The following HFM1 variants were observed in gnomAD, a reference collection of about 807,000 sequenced individuals.
HFM1 encodes the protein probable ATP-dependent DNA helicase HFM1.
In HFM1, 169 loss-of-function variants were observed where a neutral mutation model predicts 192.1. That is an observed-to-expected ratio of 0.88 (90% CI 0.78 to 1.00). The LOEUF is 1.00. Ranked by LOEUF, HFM1 falls within the 50% of genes least tolerant of loss-of-function variation. HFM1 has a pLI of 0.00. For missense variants in HFM1, 1,661 were observed against 1,668.0 expected (o/e 1.00, Z 0.07); for synonymous variants, 525 against 537.8 (o/e 0.98, Z 0.33).
upstream of HFM1, among the ~76,000 whole-genome samples, chr1:91,405,495 C>A (rs1664757569): frequency 6.6e-6 from 1 of 152,162 alleles, no homozygotes; most frequent in African/African-American, 2.4e-5. Flanking sequence ...CCTTTGGAAA[C>A]CCCCACCTGT....
chr1:91,280,425 C>T (rs370163003), intron 30 of HFM1, among the ~76,000 whole-genome samples: 31 of 152,328 alleles, frequency 2.0e-4, no homozygotes, highest in African/African-American at 6.5e-4. Flanking sequence ...TGTAGGGGAA[C>T]AGTTCCACCA....
intron 30 of HFM1, among the ~76,000 whole-genome samples, chr1:91,304,570 G>A (rs976577118): frequency 1.3e-5 from 2 of 151,894 alleles, no homozygotes; most frequent in African/African-American, 4.8e-5. Context: ...GGGTTCAAGC[G>A]ATTCTCTTGC....
intron 30 of HFM1, among the ~76,000 whole-genome samples, chr1:91,300,037 C>G (rs1557810071): frequency 6.6e-6 from 1 of 151,796 alleles, no homozygotes; most frequent in African/African-American, 2.4e-5. Context: ...AGACCGCTAG[C>G]AAGACTAATA....
intron 16 of HFM1, among the ~76,000 whole-genome samples, chr1:91,351,955 T>C (rs1656990586): frequency 6.6e-6 from 1 of 151,990 alleles, no homozygotes; most frequent in Non-Finnish European, 1.5e-5. Flanking sequence ...ATTTACTCTA[T>C]GAAATTGTAG....
intron 13 of HFM1, among the ~76,000 whole-genome samples, chr1:91,359,792 C>T (rs572160386): frequency 2.0e-5 from 3 of 152,168 alleles, no homozygotes; most frequent in South Asian, 2.1e-4. Flanking sequence ...ATACTCCACA[C>T]GAACATCAAC....
chr1:91,290,248 A>G (rs1415532665), intron 30 of HFM1, among the ~76,000 whole-genome samples: 1 of 152,342 alleles, frequency 6.6e-6, no homozygotes, highest in East Asian at 1.9e-4. Context: ...TAAAAGACAC[A>G]GACTGGCAAA....
intron 30 of HFM1, among the ~76,000 whole-genome samples, chr1:91,292,545 A>C (rs1570816205): frequency 6.6e-6 from 1 of 151,886 alleles, no homozygotes; most frequent in African/African-American, 2.4e-5. Flanking sequence ...GCTCAAGAAA[A>C]TAAAAGAGCA....
At chr1:91,286,932 C>A (rs894378044) in intron 30 of HFM1, among the ~76,000 whole-genome samples, 7 of 152,226 alleles carry the variant, frequency 4.6e-5, no homozygotes, top group Non-Finnish European at 1.0e-4. Context: ...CACTCCCACC[C>A]GAATACTGCG....
In HFM1 at chr1:91,353,278, G is replaced by A. The variant is rs369276867; in HGVS notation, c.1707C>T (p.Ser569=). ...TACCTCTCAGTTTTGAATCTCTTAC[G>A]GAATATGCATACTTCTGTAACCTAT... ...QKQRLQKYAY[S]VRDSKLRDIL... The change falls in exon 14 of 39, where the codon TCC becomes TCT. Residue 569 remains serine, a synonymous_variant. Transcript: ENST00000370425. 68 of 1,574,738 alleles carry A rather than the reference G, an allele frequency of 4.3e-5. No individual in the cohort carries two copies. In the East Asian group the frequency reaches 6.1e-4, roughly 14 times the overall value.
upstream of HFM1, among the ~76,000 whole-genome samples, chr1:91,407,150 C>G (rs1005898495): frequency 7.2e-5 from 11 of 152,140 alleles, no homozygotes; most frequent in African/African-American, 2.7e-4. Flanking sequence ...TTCATTATCC[C>G]CAACAAGAAA....
Position 91,262,367 on chromosome 1 carries a change from T to C in HFM1, c.4112A>G (p.Gln1371Arg). 3 of 1,579,358 alleles carry C rather than the reference T, an allele frequency of 1.9e-6. No individual in the cohort carries two copies. Among genetic ancestry groups the C allele is most frequent in the Non-Finnish European group, 2.6e-6 (3 of 1,162,910 alleles). ...CTTCTCAATCTCTGGTGACAGATTT[T>C]GTGGTTTTCTTTCTTGAAAATGGAC... ...VIVHFQERKP[Q>R]NLSPEIEKQC... Residue 1371 changes from glutamine (Q) to arginine (R), a missense_variant, in exon 38 of 39, where the codon CAA becomes CGA. Transcript: ENST00000370425.
intron 6 of HFM1, among the ~76,000 whole-genome samples, chr1:91,382,762 G>C (rs1661704825): frequency 1.3e-5 from 2 of 152,020 alleles, no homozygotes; most frequent in Non-Finnish European, 2.9e-5. Context: ...TCAGAGTATA[G>C]AATCAGTATT....
intron 30 of HFM1, among the ~76,000 whole-genome samples, chr1:91,292,287 G>A (rs1668857494): frequency 9.6e-6 from 1 of 104,408 alleles, no homozygotes; most frequent in Non-Finnish European, 1.9e-5. Context: ...TGACATGATT[G>A]TATATCTAGA....
intron 4 of HFM1, among the ~76,000 whole-genome samples, chr1:91,392,002 A>G (rs1663056372): frequency 6.6e-6 from 1 of 152,242 alleles, no homozygotes; most frequent in South Asian, 2.1e-4. Flanking sequence ...AAAAATGCTC[A>G]TCATCACTGG....
At chr1:91,332,285 C>T (rs565399267) in intron 20 of HFM1, among the ~76,000 whole-genome samples, 140 of 152,164 alleles carry the variant, frequency 9.2e-4, no homozygotes, top group African/African-American at 3.3e-3. Context: ...GAATAAGGAA[C>T]CCAGAAAGAA....
intron 1 of HFM1, among the ~76,000 whole-genome samples, chr1:91,403,717 A>G (rs1664551439): frequency 6.6e-6 from 1 of 152,190 alleles, no homozygotes; most frequent in Non-Finnish European, 1.5e-5. Context: ...CACTGTTAAA[A>G]TACTTAAGCT....
rs747217886 is a variant in HFM1, at chr1:91,396,322, T to C, written c.155A>G (p.Glu52Gly). The C allele has an allele frequency of 7.6e-6, 12 of 1,587,954 alleles. No individual in the cohort carries two copies. In the South Asian group the frequency reaches 1.2e-4, roughly 16 times the overall value. ...CAGTTTATGACTTTCTAATTCTTCC[T>C]CTAACTCCTGAGTATCTGGAATTTC... ...ISEIPDTQEL[E>G]EELESHKLLG... Residue 52 changes from glutamate (E) to glycine (G), a missense_variant, in exon 3 of 39, where the codon GAG becomes GGG. Transcript: ENST00000370425.
chr1:91,296,546 A>G (rs894322626), intron 30 of HFM1, among the ~76,000 whole-genome samples: 2 of 152,190 alleles, frequency 1.3e-5, no homozygotes, highest in Non-Finnish European at 2.9e-5. Context: ...TATTTCAGAA[A>G]AAAAAATGAC....
intron 13 of HFM1, among the ~76,000 whole-genome samples, chr1:91,356,018 AATC>A (rs1382128838): frequency 1.3e-5 from 2 of 152,196 alleles, no homozygotes; most frequent in Non-Finnish European, 2.9e-5. Context: ...AGACGATTGA[AATC>A]ATATGTAGTA....
Sources: allele counts gnomAD v4.1 joint callset (sites outside exome capture counted in the v4.1 genomes callset), GRCh38; gene constraint gnomAD v4.1.1; transcripts MANE v1.5; gene names NCBI Gene and HGNC (gene_info 2026-07-23, HGNC 2026-07-21).